The following CFAP54 variants were observed in gnomAD, a reference collection of about 807,000 sequenced individuals.
CFAP54 encodes the protein cilia and flagella associated protein 54, also known as cilia- and flagella-associated protein 54.
In CFAP54, 290 loss-of-function variants were observed where a neutral mutation model predicts 370.4. The observed-to-expected ratio is 0.78, with a 90% CI of 0.71 to 0.86. CFAP54 has a LOEUF of 0.86. Ranked by LOEUF, CFAP54 falls within the 40% of genes least tolerant of loss-of-function variation. The pLI is 0.00. For synonymous variants in CFAP54, 1,206 were observed against 1,236.5 expected, an observed-to-expected ratio of 0.98 and a Z score of 0.52; for missense variants, 3,399 against 3,528.7, an observed-to-expected ratio of 0.96 and a Z score of 0.93.
chr12:96,625,130 C>T (rs1956536131), intron 28 of CFAP54, among the ~76,000 whole-genome samples: 1 of 152,096 alleles, frequency 6.6e-6, no homozygotes, highest in African/African-American at 2.4e-5. Flanking sequence ...GTGTGCCAGT[C>T]ACTATTTTAC....
intron 62 of CFAP54, among the ~76,000 whole-genome samples, chr12:96,788,739 A>G (rs1958653157): frequency 6.6e-6 from 1 of 152,212 alleles, no homozygotes; most frequent in African/African-American, 2.4e-5. Context: ...AATAAATTGT[A>G]AGTTTTTAAA....
chr12:96,746,436 G>T (rs1958115212), intron 55 of CFAP54, among the ~76,000 whole-genome samples: 1 of 151,930 alleles, frequency 6.6e-6, no homozygotes, highest in Non-Finnish European at 1.5e-5. Flanking sequence ...CATCACCAAG[G>T]ACTTAATCTA....
chr12:96,624,240 T>A (rs1369871934), intron 28 of CFAP54, among the ~76,000 whole-genome samples: 2 of 152,144 alleles, frequency 1.3e-5, no homozygotes, highest in Non-Finnish European at 2.9e-5. Context: ...TTGAGTAGCA[T>A]CCCTGGCCTC....
At chr12:96,523,488 T>C (rs1178642888) in intron 8 of CFAP54, among the ~76,000 whole-genome samples, 1 of 152,226 alleles carries the variant, frequency 6.6e-6, no homozygotes. Context: ...ACCTTTCCAT[T>C]GCTACTTAGT....
At position 96,630,728 on chromosome 12, in the gene CFAP54, G is replaced by T. The variant is rs1055443505; in HGVS notation, c.4316+77G>T. The stretch of plus-strand genomic sequence containing the variant: ...GTTGGGCATTATTTTGGGTACTAGG[G>T]ATACACTGGTGGACCAGACAGGTGA... On this transcript the variant is annotated intron_variant, in intron 32 of 67. Transcript: ENST00000524981. The T allele has an allele frequency of 5.9e-6, 5 of 845,364 alleles. No homozygotes were observed. The South Asian group carries it at 1.1e-4, about 18-fold the overall frequency. 52.4% of individuals were successfully genotyped at this position (845,364 alleles called of 1,614,324 possible).
intron 33 of CFAP54, among the ~76,000 whole-genome samples, chr12:96,647,472 C>CAA (rs57089692): frequency 0.16 from 6,336 of 40,628 alleles, 830 homozygotes; most frequent in Non-Finnish European, 0.18. Context: ...GACTCTGTCC[C>CAA]AAAAAAAAAA....
At chr12:96,799,355 T>C (rs1958798651) in intron 63 of CFAP54, among the ~76,000 whole-genome samples, 1 of 152,228 alleles carries the variant, frequency 6.6e-6, no homozygotes, top group South Asian at 2.1e-4. Flanking sequence ...TTTTGCCGTG[T>C]TCAGCATTTT....
chr12:96,829,760 A>T (rs1405854193), intron 66 of CFAP54, among the ~76,000 whole-genome samples: 1 of 152,144 alleles, frequency 6.6e-6, no homozygotes, highest in Middle Eastern at 3.4e-3. Context: ...TGTACAGTTC[A>T]GTGGCCTTAA....
chr12:96,553,843 A>G (rs766016324), intron 15 of CFAP54, among the ~76,000 whole-genome samples: 38 of 152,078 alleles, frequency 2.5e-4, no homozygotes, highest in Non-Finnish European at 4.1e-4. Context: ...TATGAAAGTG[A>G]CAAACTATGT....
At chr12:96,762,252 G>C (rs893715901) in intron 58 of CFAP54, among the ~76,000 whole-genome samples, 8 of 152,096 alleles carry the variant, frequency 5.3e-5, no homozygotes, top group Non-Finnish European at 8.8e-5. Context: ...TGTATTCATT[G>C]TTTTGCGTCC....
At chr12:96,603,322 T>C (rs1192620085) in intron 26 of CFAP54, among the ~76,000 whole-genome samples, 1 of 152,230 alleles carries the variant, frequency 6.6e-6, no homozygotes, top group Non-Finnish European at 1.5e-5. Flanking sequence ...TGCCAAGAGA[T>C]CCACTGTTAG....
At chr12:96,828,566 G>A (rs1959154149) in intron 65 of CFAP54, among the ~76,000 whole-genome samples, 1 of 152,106 alleles carries the variant, frequency 6.6e-6, no homozygotes, top group African/African-American at 2.4e-5. Flanking sequence ...TCTGTGGGTA[G>A]GTCCCTTGTG....
At chr12:96,513,494 A>C (rs1955196468) in intron 5 of CFAP54, among the ~76,000 whole-genome samples, 1 of 152,230 alleles carries the variant, frequency 6.6e-6, no homozygotes, top group Admixed American at 6.5e-5. Flanking sequence ...TAATCCCAGC[A>C]CTTCGGGAGA....
At chr12:96,705,593 AC>A (rs1957537914) in intron 47 of CFAP54, among the ~76,000 whole-genome samples, 1 of 152,236 alleles carries the variant, frequency 6.6e-6, no homozygotes, top group East Asian at 1.9e-4. Flanking sequence ...GCATCCTAAA[AC>A]ACTTCCTTAG....
chr12:96,609,667 T>C (rs1233217867), intron 26 of CFAP54, among the ~76,000 whole-genome samples: 1 of 152,126 alleles, frequency 6.6e-6, no homozygotes, highest in Non-Finnish European at 1.5e-5. Flanking sequence ...CAAAACCCCA[T>C]GACGATCTGG....
chr12:96,798,186 CA>C (rs1472354722), intron 63 of CFAP54, among the ~76,000 whole-genome samples: 4 of 151,862 alleles, frequency 2.6e-5, no homozygotes, highest in Non-Finnish European at 1.5e-5. Context: ...TAATCTCCTA[CA>C]TATTTACTAT....
chr12:96,498,377 G>C (rs554929550), intron 1 of CFAP54, among the ~76,000 whole-genome samples: 1 of 152,158 alleles, frequency 6.6e-6, no homozygotes, highest in Admixed American at 6.5e-5. Flanking sequence ...ACTCCTGGCC[G>C]GGCACCGTGG....
intron 46 of CFAP54, among the ~76,000 whole-genome samples, chr12:96,701,443 G>C (rs1194702105): frequency 6.6e-6 from 1 of 152,030 alleles, no homozygotes; most frequent in Non-Finnish European, 1.5e-5. Flanking sequence ...CAGCAGGGGG[G>C]CTCCTGCTTT....
intron 32 of CFAP54, among the ~76,000 whole-genome samples, chr12:96,631,689 A>G (rs1297909700): frequency 6.7e-6 from 1 of 149,470 alleles, no homozygotes; most frequent in Non-Finnish European, 1.5e-5. Context: ...ATAATTTAAC[A>G]TGCATAAACA....
Sources: gnomAD v4.1 joint callset for allele counts (sites outside exome capture counted in the v4.1 genomes callset) on GRCh38, gnomAD v4.1.1 for gene constraint, MANE v1.5 for transcripts, NCBI Gene and HGNC (gene_info 2026-07-23, HGNC 2026-07-21) for gene names.